The following CYSTM1 variants were observed in gnomAD, a reference collection of about 807,000 sequenced individuals.
The protein encoded by CYSTM1 is cysteine rich transmembrane module containing 1.
A neutral mutation model predicts 13.1 loss-of-function variants in CYSTM1; 4 were observed. The ratio of observed to expected loss-of-function variants is 0.31; its 90% confidence interval spans 0.15 to 0.70. The LOEUF (loss-of-function observed/expected upper bound fraction) is 0.70. CYSTM1 is among the 30% of genes least tolerant of loss of function. CYSTM1 has a pLI of 0.72. For missense variants in CYSTM1, 96 were observed against 121.6 expected (o/e 0.79, Z 0.99); for synonymous variants, 36 against 42.7 (o/e 0.84, Z 0.62).
intron 1 of CYSTM1, among the ~76,000 whole-genome samples, chr5:140,177,897 C>G (rs1328064849): frequency 6.6e-6 from 1 of 152,136 alleles, no homozygotes; most frequent in East Asian, 1.9e-4. Flanking sequence ...TGGAAAGAAA[C>G]AGTCCACCCC....
At chr5:140,207,830 C>A (rs577676327) in intron 2 of CYSTM1, among the ~76,000 whole-genome samples, 1 of 152,188 alleles carries the variant, frequency 6.6e-6, no homozygotes, top group Non-Finnish European at 1.5e-5. Flanking sequence ...CTGAGTGGTA[C>A]TCCTCACCTC....
intron 2 of CYSTM1, among the ~76,000 whole-genome samples, chr5:140,225,230 CTG>C (rs1417272502): frequency 6.6e-6 from 1 of 152,224 alleles, no homozygotes; most frequent in Non-Finnish European, 1.5e-5. Context: ...ATGCAACAAA[CTG>C]TTTTCCTACA....
Position 140,219,960 on chromosome 5 carries a change from T to C in CYSTM1, c.188-23345T>C, listed in dbSNP as rs1654352704. Among the ~76,000 whole-genome samples, 1 of 152,078 alleles carries C rather than the reference T, an allele frequency of 6.6e-6. No individual in the cohort carries two copies. The highest frequency in any genetic ancestry group is 6.5e-5 in the Admixed American group (1 of 15,280). ...AAGAGCCAGCTCCACTCAAAGTAAC[T>C]TCTCTCTTTTTTTTTTCTGTAACCC... On this transcript the variant is annotated intron_variant, in intron 2 of 2. Transcript: ENST00000261811. The surrounding 1 kb of genome is among the most constrained non-coding windows in gnomAD (Gnocchi z 4.1).
At chr5:140,221,922 GAT>G (rs1173108117) in intron 2 of CYSTM1, among the ~76,000 whole-genome samples, 1 of 152,108 alleles carries the variant, frequency 6.6e-6, no homozygotes, top group South Asian at 2.1e-4. Flanking sequence ...ATATATCCCC[GAT>G]ATATCCCCTT....
chr5:140,189,793 A>AT (rs1046984601), intron 1 of CYSTM1, among the ~76,000 whole-genome samples: 14 of 152,170 alleles, frequency 9.2e-5, no homozygotes, highest in African/African-American at 3.4e-4. Flanking sequence ...TCACTTCTAT[A>AT]TATATATATC....
At chr5:140,200,812 G>C (rs1193173286) in intron 2 of CYSTM1, 1 of 152,186 alleles carries the variant, frequency 6.6e-6, no homozygotes, top group Non-Finnish European at 1.5e-5. Context: ...GCCCACCTCA[G>C]CCTCTCAGAG....
chr5:140,197,741 T>G (rs1764174309), intron 2 of CYSTM1, among the ~76,000 whole-genome samples: 2 of 152,226 alleles, frequency 1.3e-5, no homozygotes, highest in South Asian at 4.1e-4. Context: ...CTGTAGATAC[T>G]CTCTCCACTC....
chr5:140,201,344 G>A (rs373564), intron 2 of CYSTM1: 113,892 of 151,998 alleles, frequency 0.75, 42,914 homozygotes, highest in East Asian at 0.79. Context: ...ACATCAGCTT[G>A]AAATCCAGAA....
intron 2 of CYSTM1, among the ~76,000 whole-genome samples, chr5:140,205,541 A>T (rs1210856806): frequency 6.6e-6 from 1 of 152,182 alleles, no homozygotes; most frequent in Non-Finnish European, 1.5e-5. Flanking sequence ...CCCAACAAGG[A>T]CACTGCTTAG....
At position 140,219,258 on chromosome 5, in the gene CYSTM1, G is replaced by C. The variant is rs1764463752; in HGVS notation, c.188-24047G>C. ...GACCATTTGCCCTTGATTCTAGGTGGATGTCAGCTTGTGTTACAAAACAGT... is the reference window on the plus strand; with the variant it reads ...GACCATTTGCCCTTGATTCTAGGTGCATGTCAGCTTGTGTTACAAAACAGT... On this transcript the variant is annotated intron_variant, in intron 2 of 2. Transcript: ENST00000261811. This position sits in a 1 kb window ranked among gnomAD's most constrained non-coding sequence, Gnocchi z 4.1. Among the ~76,000 whole-genome samples the C allele has an allele frequency of 6.6e-6, 1 of 152,190 alleles. No homozygotes were observed. The highest frequency in any genetic ancestry group is 1.5e-5 in the Non-Finnish European group (1 of 68,034).
intron 2 of CYSTM1, among the ~76,000 whole-genome samples, chr5:140,233,416 G>A (rs1288421451): frequency 6.6e-6 from 1 of 152,168 alleles, no homozygotes; most frequent in African/African-American, 2.4e-5. Context: ...CATTTGGGTT[G>A]TTTCTACCTC....
Position 140,196,582 on chromosome 5 carries a change from G to T in CYSTM1, c.187+1930G>T, listed in dbSNP as rs540755791. The stretch of plus-strand genomic sequence containing the variant: ...TTGCAATCCAAGATTGTGTTCTGTT[G>T]TAACAGTTTTTATCATGCATGCTCG... On this transcript the variant is annotated intron_variant, in intron 2 of 2. Coordinates refer to ENST00000261811, the MANE Select transcript of CYSTM1 (RefSeq NM_032412.4). 6.6e-5 allele frequency among the ~76,000 whole-genome samples: 10 copies of T among 152,322 alleles called. No individual in the cohort carries two copies. In the East Asian group the frequency reaches 1.5e-3, roughly 23 times the overall value.
Position 140,175,442 on chromosome 5 carries a change from G to C in CYSTM1, c.-21+157G>C, listed in dbSNP as rs1241849364. The stretch of plus-strand genomic sequence containing the variant: ...AGGGGTTCGCGCAGCCCCTGGGGAG[G>C]GGCAGGGAGGCAGGGAAGCTGCTGC... On this transcript the variant is annotated intron_variant, in intron 1 of 2. Coordinates refer to ENST00000261811, the MANE Select transcript of CYSTM1 (RefSeq NM_032412.4). This position sits in a 1 kb window ranked among gnomAD's most constrained non-coding sequence, Gnocchi z 4.9. 6.6e-6 allele frequency among the ~76,000 whole-genome samples: 1 copy of C among 152,034 alleles called. No individual in the cohort carries two copies. The highest frequency in any genetic ancestry group is 1.5e-5 in the Non-Finnish European group (1 of 67,980).
intron 1 of CYSTM1, among the ~76,000 whole-genome samples, chr5:140,191,589 G>A (rs906972651): frequency 6.6e-6 from 1 of 152,170 alleles, no homozygotes; most frequent in Non-Finnish European, 1.5e-5. Flanking sequence ...TCAATACTCT[G>A]TTCTTTTTTC....
intron 2 of CYSTM1, among the ~76,000 whole-genome samples, chr5:140,209,692 T>A (rs1764340324): frequency 6.6e-6 from 1 of 152,126 alleles, no homozygotes; most frequent in African/African-American, 2.4e-5. Context: ...CCTCCCAAAG[T>A]GCTGGGATTA....
intron 2 of CYSTM1, among the ~76,000 whole-genome samples, chr5:140,227,887 C>G (rs372697448): frequency 6.6e-6 from 1 of 152,170 alleles, no homozygotes; most frequent in Non-Finnish European, 1.5e-5. Context: ...TCTCTCCACA[C>G]CCTGACCTTT....
chr5:140,221,531 TGTAGC>T (rs1317200384), intron 2 of CYSTM1, among the ~76,000 whole-genome samples: 1 of 152,270 alleles, frequency 6.6e-6, no homozygotes, highest in Non-Finnish European at 1.5e-5. Flanking sequence ...TCATCCATGC[TGTAGC>T]GTGTGTCAGG....
intron 1 of CYSTM1, among the ~76,000 whole-genome samples, chr5:140,177,708 G>A (rs1763908050): frequency 6.6e-6 from 1 of 152,196 alleles, no homozygotes; most frequent in African/African-American, 2.4e-5. Context: ...TTTTCCCCGT[G>A]TGTTCCTGTT....
rs1261518540 is a variant in CYSTM1 at position 140,239,105 on chromosome 5, C to G, written c.188-4200C>G. ...CCCGCCTAGCTCTCTTGGGTTGGGACTGGTACAGACACTTGCAAAAACAAG... is the reference window on the plus strand; with the variant it reads ...CCCGCCTAGCTCTCTTGGGTTGGGAGTGGTACAGACACTTGCAAAAACAAG... On this transcript the variant is annotated intron_variant, in intron 2 of 2. Transcript: ENST00000261811. The surrounding 1 kb of genome is among the most constrained non-coding windows in gnomAD (Gnocchi z 5.4). Among the ~76,000 whole-genome samples, 1 of 152,170 alleles carries G rather than the reference C, an allele frequency of 6.6e-6. No individual in the cohort carries two copies. Among genetic ancestry groups the G allele is most frequent in the African/African-American group, 2.4e-5 (1 of 41,432 alleles).
Sources: gnomAD v4.1 joint callset for allele counts (sites outside exome capture counted in the v4.1 genomes callset) on GRCh38, gnomAD v4.1.1 for gene constraint, Gnocchi (gnomAD v3.1) non-coding constraint, MANE v1.5 for transcripts, NCBI Gene and HGNC (gene_info 2026-07-23, HGNC 2026-07-21) for gene names.